SEMA6D: variants seen among roughly 807,000 people sequenced by gnomAD.
SEMA6D encodes the protein semaphorin 6D, also known as semaphorin-6D.
A neutral mutation model predicts 106.6 loss-of-function variants in SEMA6D; 35 were observed. That is an observed-to-expected ratio of 0.33 (90% CI 0.25 to 0.44). The LOEUF is 0.44. SEMA6D is among the 20% of genes least tolerant of loss of function. The pLI is 1.00. For missense variants in SEMA6D, 1,185 were observed against 1,345.9 expected (o/e 0.88, Z 1.87); for synonymous variants, 499 against 487.7 (o/e 1.02, Z -0.31).
chr15:47,260,795 A>G (rs2142074591), intron 1 of SEMA6D, among the ~76,000 whole-genome samples: 1 of 152,228 alleles, frequency 6.6e-6, no homozygotes, highest in Middle Eastern at 3.4e-3. Flanking sequence ...CTTTCCTTGG[A>G]CACTTATCAG....
intron 3 of SEMA6D, among the ~76,000 whole-genome samples, chr15:47,528,569 A>G (rs1053913177): frequency 1.8e-4 from 27 of 152,116 alleles, no homozygotes; most frequent in Admixed American, 8.5e-4. Context: ...ATGAAGGGAT[A>G]TTTTTCTCTT....
Position 47,667,173 on chromosome 15 carries a change from C to G in SEMA6D, c.-55+66277C>G, listed in dbSNP as rs1449182557. ...TTCCAAATTCCTGACCTACAGAATC[C>G]GTGGGCATAAGAAAACAGTTATTTT... On this transcript the variant is annotated intron_variant, in intron 4 of 19. Coordinates refer to the SEMA6D transcript ENST00000558014. Among the ~76,000 whole-genome samples the G allele has an allele frequency of 3.3e-5, 5 of 152,240 alleles. No individual in the cohort carries two copies. The South Asian group carries it at 1.0e-3, about 32-fold the overall frequency.
intron 2 of SEMA6D, among the ~76,000 whole-genome samples, chr15:47,469,481 C>T (rs73388912): frequency 0.015 from 2,356 of 152,120 alleles, 70 homozygotes; most frequent in African/African-American, 0.054. Context: ...AGTAAGTATT[C>T]CCAGAGTACT....
intron 3 of SEMA6D, among the ~76,000 whole-genome samples, chr15:47,552,905 T>TATATATTTTTATATATATATATATATAA (rs1483274186): frequency 3.2e-5 from 3 of 94,838 alleles, no homozygotes; most frequent in Non-Finnish European, 6.1e-5. Context: ...TATATATATA[T>TATATATTTTTATATATATATATATATAA]AAATATATAT....
chr15:47,548,029 G>A (rs193126142), intron 3 of SEMA6D, among the ~76,000 whole-genome samples: 10 of 152,178 alleles, frequency 6.6e-5, no homozygotes, highest in Admixed American at 2.6e-4. Context: ...TTGATCCAAT[G>A]GTATCCCTGT....
intron 2 of SEMA6D, among the ~76,000 whole-genome samples, chr15:47,432,425 T>A (rs564516519): frequency 3.9e-5 from 6 of 152,196 alleles, no homozygotes; most frequent in Non-Finnish European, 7.4e-5. Flanking sequence ...CTCTGATTCT[T>A]TCTCTCCTTC....
chr15:47,287,545 G>A (rs2142734760), intron 1 of SEMA6D, among the ~76,000 whole-genome samples: 1 of 152,104 alleles, frequency 6.6e-6, no homozygotes, highest in South Asian at 2.1e-4. Context: ...AGTAGAAAAA[G>A]GCAAATGGAA....
At chr15:47,755,639 A>G (rs1278807122) in intron 1 of SEMA6D, among the ~76,000 whole-genome samples, 2 of 150,928 alleles carry the variant, frequency 1.3e-5, no homozygotes, top group Admixed American at 6.6e-5. Flanking sequence ...TTTACCTCAC[A>G]TTTTTCTCCT....
chr15:47,532,206 T>C (rs1167712723), intron 3 of SEMA6D, among the ~76,000 whole-genome samples: 1 of 152,222 alleles, frequency 6.6e-6, no homozygotes, highest in Non-Finnish European at 1.5e-5. Flanking sequence ...CTTGGTTGAC[T>C]GATGTCTTTT....
In SEMA6D at chr15:47,764,701, T is replaced by C; in HGVS notation, c.1161T>C (p.Asp387=). Residue 387 remains aspartate, a synonymous_variant, in exon 12 of 19, where the codon GAT becomes GAC. Transcript: ENST00000536845. ...ATAAAACCTCCATCGATTTCCCGGATGAAACTCTGTCATTCATCAAATCTC... is the reference window on the plus strand; with the variant it reads ...ATAAAACCTCCATCGATTTCCCGGACGAAACTCTGTCATTCATCAAATCTC... The part of the protein sequence containing the change: ...EAYKTSIDFP[D]ETLSFIKSHP... 1.2e-6 allele frequency: 2 copies of C among 1,614,080 alleles called. No individual in the cohort carries two copies. Among genetic ancestry groups the C allele is most frequent in the Non-Finnish European group, 1.7e-6 (2 of 1,179,920 alleles).
chr15:47,515,603 G>T (rs1169258722), intron 3 of SEMA6D, among the ~76,000 whole-genome samples: 1 of 152,156 alleles, frequency 6.6e-6, no homozygotes, highest in African/African-American at 2.4e-5. Flanking sequence ...CCTCCCAGAG[G>T]AAGTACAAAG....
chr15:47,652,212 G>A (rs2077705476), intron 4 of SEMA6D, among the ~76,000 whole-genome samples: 1 of 152,166 alleles, frequency 6.6e-6, no homozygotes, highest in Non-Finnish European at 1.5e-5. Flanking sequence ...TGGAGTGAAT[G>A]AGTGCTTCTG....
At chr15:47,320,653 A>C (rs1159629346) in intron 1 of SEMA6D, among the ~76,000 whole-genome samples, 1 of 152,152 alleles carries the variant, frequency 6.6e-6, no homozygotes, top group Admixed American at 6.6e-5. Context: ...TTACTAACTT[A>C]ATGCATGCCA....
chr15:47,286,514 G>C (rs61998452), intron 1 of SEMA6D, among the ~76,000 whole-genome samples: 1,819 of 152,242 alleles, frequency 0.012, 34 homozygotes, highest in Admixed American at 0.013. Context: ...TCCATGTGAA[G>C]AGTGGCATTG....
intron 3 of SEMA6D, among the ~76,000 whole-genome samples, chr15:47,550,920 C>A (rs1426839802): frequency 6.6e-6 from 1 of 152,112 alleles, no homozygotes. Flanking sequence ...GTAAATATGG[C>A]ATTATCATTT....
chr15:47,561,405 G>A (rs139537586), intron 3 of SEMA6D, among the ~76,000 whole-genome samples: 45 of 152,022 alleles, frequency 3.0e-4, no homozygotes, highest in Non-Finnish European at 5.3e-4. Context: ...AAAAATGAAG[G>A]TGAAATAAAG....
chr15:47,562,743 G>A (rs2142725540), intron 3 of SEMA6D, among the ~76,000 whole-genome samples: 1 of 152,170 alleles, frequency 6.6e-6, no homozygotes, highest in East Asian at 1.9e-4. Context: ...ATGTAAAATG[G>A]TATAGCTACT....
chr15:47,309,438 A>G (rs1448781544), intron 1 of SEMA6D, among the ~76,000 whole-genome samples: 1 of 152,198 alleles, frequency 6.6e-6, no homozygotes, highest in Non-Finnish European at 1.5e-5. Flanking sequence ...ATTGTGTTCA[A>G]GTAACCCTCA....
intron 2 of SEMA6D, among the ~76,000 whole-genome samples, chr15:47,440,126 G>A (rs1006734242): frequency 6.0e-5 from 9 of 150,230 alleles, no homozygotes; most frequent in South Asian, 2.1e-4. Flanking sequence ...AGTTGTGCAC[G>A]TGTTAGAGAC....
Sources: gnomAD v4.1 joint callset for allele counts (sites outside exome capture counted in the v4.1 genomes callset) on GRCh38, gnomAD v4.1.1 for gene constraint, MANE v1.5 for transcripts, NCBI Gene and HGNC (gene_info 2026-07-23, HGNC 2026-07-21) for gene names.